Variants in PDLIM3 observed in about 807,000 individuals in gnomAD.
The protein encoded by PDLIM3 is PDZ and LIM domain 3.
PDLIM3 carries 36 observed loss-of-function variants against 37.3 expected under a neutral mutation model. The ratio of observed to expected loss-of-function variants is 0.97; its 90% CI spans 0.74 to 1.28. PDLIM3 has a LOEUF of 1.28. Ranked by LOEUF, PDLIM3 falls within the 50% of genes most tolerant of loss-of-function variation. The pLI is 0.00. For missense variants in PDLIM3, 454 were observed against 485.0 expected (o/e 0.94, Z 0.60); for synonymous variants, 174 against 182.4 (o/e 0.95, Z 0.37).
intron 2 of PDLIM3, among the ~76,000 whole-genome samples, chr4:185,524,259 G>C (rs2095728794): frequency 6.6e-6 from 1 of 152,196 alleles, no homozygotes; most frequent in South Asian, 2.1e-4. Flanking sequence ...CACAGGTTAT[G>C]CATAGAGAGT....
At position 185,535,470 on chromosome 4, in the gene PDLIM3, C is replaced by G; in HGVS notation, c.-36G>C. ...TCCCGCCCACCGGGCTCTAAGTGTC[C>G]CCGCGCAGGGCAGCCACTCCGCGCC... On this transcript the variant is annotated 5_prime_UTR_variant, in exon 1 of 8. Transcript: ENST00000284767. 1 of 1,528,420 alleles carries G rather than the reference C, an allele frequency of 6.5e-7. No individual in the cohort carries two copies. The highest frequency in any genetic ancestry group is 8.8e-7 in the Non-Finnish European group (1 of 1,130,190). The allele number at this position is 1,528,420 out of a possible 1,614,324, so 94.7% of individuals were successfully genotyped here.
chr4:185,531,992 G>A (rs2095745291), intron 1 of PDLIM3, among the ~76,000 whole-genome samples: 2 of 150,790 alleles, frequency 1.3e-5, no homozygotes, highest in South Asian at 4.2e-4. Flanking sequence ...CAGCTACTTG[G>A]AAGGCTGAGG....
At chr4:185,534,613 A>G (rs188334769) in intron 1 of PDLIM3, among the ~76,000 whole-genome samples, 168 of 152,338 alleles carry the variant, frequency 1.1e-3, no homozygotes, top group Non-Finnish European at 2.2e-3. Flanking sequence ...CTTTGACATT[A>G]AAGCATTATT....
chr4:185,508,181 T>TA, intron 5 of PDLIM3, 118 bp downstream of exon 5: 1 of 1,036,792 alleles, frequency 9.6e-7, no homozygotes, highest in South Asian at 1.3e-5. Context: ...CTTAGTATTT[T>TA]AAAAAAGCTT....
chr4:185,506,539 A>G lies in PDLIM3; in HGVS notation c.776T>C (p.Met259Thr). The G allele has an allele frequency of 6.2e-7, 1 of 1,613,728 alleles. No individual in the cohort carries two copies. The highest frequency in any genetic ancestry group is 8.5e-7 in the Non-Finnish European group (1 of 1,180,012). ...QSGSFRVLQG[M>T]VDDGSDDRPA... ...CTGCTCACCAGAGCCATCGTCCACC[A>G]TTCCCTGGAGCACTCTGAAGGAGCC... Residue 259 changes from methionine to threonine, a missense_variant, in exon 6 of 8, where the codon ATG (methionine) becomes ACG (threonine). Coordinates refer to ENST00000284767, the MANE Select transcript of PDLIM3 (RefSeq NM_014476.6).
At chr4:185,512,758 C>T in intron 4 of PDLIM3, 1 of 982,894 alleles carries the variant, frequency 1.0e-6, no homozygotes, top group South Asian at 4.7e-5. Context: ...TACTATGCTT[C>T]TTTGGGAAGT....
chr4:185,502,210 A>C lies in PDLIM3; in HGVS notation c.*84T>G. On this transcript the variant is annotated 3_prime_UTR_variant, in exon 8 of 8. Coordinates refer to ENST00000284767, the MANE Select transcript of PDLIM3 (RefSeq NM_014476.6). ...TAGATTTGGAGTTGACAATCTGCAC[A>C]ATCCTTCTGCCCAAAGCCATGAATG... 7.3e-7 allele frequency: 1 copy of C among 1,372,422 alleles called. No homozygotes were observed. The highest frequency in any genetic ancestry group is 1.0e-6 in the Non-Finnish European group (1 of 962,390). 85.0% of individuals were successfully genotyped at this position (1,372,422 alleles called of 1,614,324 possible). A position where few individuals can be genotyped will look rare whatever the true frequency, so the allele number is the denominator to read the frequency against.
rs372459099 is a variant in PDLIM3, at chr4:185,534,585, A to T, written c.93+757T>A. The stretch of plus-strand genomic sequence containing the variant: ...TTGTTTTCTCATTAGACAGTAGAGA[A>T]CACCAAGTAAAGCTTGACTTTGACA... On this transcript the variant is annotated intron_variant, in intron 1 of 7. Coordinates refer to ENST00000284767, the MANE Select transcript of PDLIM3 (RefSeq NM_014476.6). 3.3e-5 allele frequency among the ~76,000 whole-genome samples: 5 copies of T among 152,268 alleles called. No homozygotes were observed. The East Asian group carries it at 9.6e-4, about 29-fold the overall frequency.
chr4:185,506,950 G>C, intron 5 of PDLIM3: 1 of 347,512 alleles, frequency 2.9e-6, no homozygotes, highest in Non-Finnish European at 5.5e-6. Context: ...AGAAGAACAA[G>C]ACTTGAGTCT....
At chr4:185,513,536 A>G (rs2095709978) in intron 4 of PDLIM3, 1 of 984,426 alleles carries the variant, frequency 1.0e-6, no homozygotes, top group South Asian at 4.7e-5. Context: ...TTTTTAAACA[A>G]AAGAATTAAA....
At chr4:185,509,698 A>G (rs1044053722) in intron 4 of PDLIM3, among the ~76,000 whole-genome samples, 2 of 152,218 alleles carry the variant, frequency 1.3e-5, no homozygotes, top group Admixed American at 6.5e-5. Context: ...TGTAAGCTCA[A>G]GACAGAGAAT....
chr4:185,504,661 T>C lies in PDLIM3; in HGVS notation c.794-75A>G. ...CCTGTGCTTGGCTTCTATTTTAAAGTGTGCACTTTAACCTGAAGTTGCATC... is the reference window on the plus strand; with the variant it reads ...CCTGTGCTTGGCTTCTATTTTAAAGCGTGCACTTTAACCTGAAGTTGCATC... On this transcript the variant is annotated intron_variant, in intron 6 of 7. Coordinates refer to ENST00000284767, the MANE Select transcript of PDLIM3 (RefSeq NM_014476.6). This position sits in a 1 kb window ranked among gnomAD's most constrained non-coding sequence, Gnocchi z 4.7. 8.2e-7 allele frequency: 1 copy of C among 1,213,210 alleles called. No homozygotes were observed. The highest frequency in any genetic ancestry group is 1.2e-6 in the Non-Finnish European group (1 of 836,540). 75.2% of individuals were successfully genotyped at this position (1,213,210 alleles called of 1,614,324 possible). A position where few individuals can be genotyped will look rare whatever the true frequency, so the allele number is the denominator to read the frequency against.
chr4:185,511,704 G>A (rs986911204), intron 4 of PDLIM3, among the ~76,000 whole-genome samples: 10 of 152,148 alleles, frequency 6.6e-5, no homozygotes, highest in East Asian at 1.9e-4. Flanking sequence ...TTCATTAACA[G>A]TGTAGTTACA....
At chr4:185,528,081 A>AACAAAC (rs2095737403) in intron 1 of PDLIM3, among the ~76,000 whole-genome samples, 1 of 151,688 alleles carries the variant, frequency 6.6e-6, no homozygotes, top group South Asian at 2.1e-4. Context: ...AAAACAAACA[A>AACAAAC]ACAAACAAAC....
chr4:185,519,983 T>C (rs779139514), intron 3 of PDLIM3, among the ~76,000 whole-genome samples: 4 of 152,232 alleles, frequency 2.6e-5, no homozygotes, highest in African/African-American at 9.6e-5. Flanking sequence ...AGTTGTCATT[T>C]TGATAAAAAA....
chr4:185,508,646 G>C (rs1352574827), intron 4 of PDLIM3, 84 bp from the exon 5 acceptor site: 1 of 1,401,578 alleles, frequency 7.1e-7, no homozygotes. Flanking sequence ...CACGTACAGA[G>C]AGGTTAAAAG....
chr4:185,506,630 G>C lies in PDLIM3; in HGVS notation c.685C>G (p.Pro229Ala). Residue 229 changes from proline (P) to alanine (A), a missense_variant, in exon 6 of 8, where the codon CCC becomes GCC. Transcript: ENST00000284767. ...LMSEPTASVP[P>A]ESDVYRMLHD... ...AGCATCCGGTACACGTCCGACTCGG[G>C]GGGCACCGAGGCTGTGGGCTCGCTG... is the stretch of plus-strand genomic sequence containing the variant. 1 of 1,606,928 alleles carries C rather than the reference G, an allele frequency of 6.2e-7. No individual in the cohort carries two copies. The highest frequency in any genetic ancestry group is 1.1e-5 in the South Asian group (1 of 91,080).
intron 1 of PDLIM3, among the ~76,000 whole-genome samples, chr4:185,532,240 A>C (rs2095745785): frequency 6.6e-6 from 1 of 152,240 alleles, no homozygotes; most frequent in Non-Finnish European, 1.5e-5. Context: ...TCAATCATTC[A>C]TACCGTGTCT....
At position 185,505,182 on chromosome 4, in the gene PDLIM3, C is replaced by T. The variant is rs1366512002; in HGVS notation, c.794-596G>A. ...CACTTCACATAATGTTTGCAAAGTT[C>T]ATTCATGGTGCGCCGTGTGTCAGAA... On this transcript the variant is annotated intron_variant, in intron 6 of 7. Transcript: ENST00000284767. Among the ~76,000 whole-genome samples, 4 of 152,206 alleles carry T rather than the reference C, an allele frequency of 2.6e-5. 1 individual carries two copies. Among genetic ancestry groups the T allele is most frequent in the Admixed American group, 2.6e-4 (4 of 15,280 alleles).
Sources: gnomAD v4.1 joint callset for allele counts (sites outside exome capture counted in the v4.1 genomes callset) on GRCh38, gnomAD v4.1.1 for gene constraint, Gnocchi (gnomAD v3.1) non-coding constraint, MANE v1.5 for transcripts, NCBI Gene and HGNC (gene_info 2026-07-23, HGNC 2026-07-21) for gene names.